ERCC1: variants seen among roughly 807,000 people sequenced by gnomAD.
ERCC1 encodes the protein DNA excision repair protein ERCC-1.
A neutral mutation model predicts 37.6 loss-of-function variants in ERCC1; 36 were observed. The observed-to-expected ratio is 0.96, with a 90% CI of 0.73 to 1.26. The LOEUF (loss-of-function observed/expected upper bound fraction) is 1.26, where lower values mean the gene tolerates loss of function less well. Ranked by LOEUF, ERCC1 falls within the 50% of genes most tolerant of loss-of-function variation. ERCC1 has a pLI of 0.00. For missense variants in ERCC1, 349 were observed against 376.5 expected (o/e 0.93, Z 0.60); for synonymous variants, 156 against 162.1 (o/e 0.96, Z 0.28).
At position 45,416,832 on chromosome 19, in the gene ERCC1, G is replaced by C. The variant is rs765531865; in HGVS notation, c.591C>G (p.Ile197Met). Residue 197 changes from isoleucine to methionine, a missense_variant, in exon 6 of 10, where the codon ATC (isoleucine) becomes ATG (methionine). Coordinates refer to ENST00000300853, the MANE Select transcript of ERCC1 (RefSeq NM_001983.4). The stretch of plus-strand genomic sequence containing the variant: ...AGCCCTCATCTCACCTCCAGGCGAG[G>C]ATCAATGTGCAGTCGGCCAGGATAC... ...KMCILADCTL[I>M]LAWSPEEAGR... 1 of 1,613,342 alleles carries C rather than the reference G, an allele frequency of 6.2e-7. No individual in the cohort carries two copies. Among genetic ancestry groups the C allele is most frequent in the Admixed American group, 1.7e-5 (1 of 59,996 alleles).
chr19:45,434,833 T>C (rs1974933236), intron 1 of ERCC1, among the ~76,000 whole-genome samples: 1 of 152,094 alleles, frequency 6.6e-6, no homozygotes, highest in African/African-American at 2.4e-5. Flanking sequence ...TGGAGTGCAA[T>C]AGTGCGATCT....
intron 1 of ERCC1, among the ~76,000 whole-genome samples, chr19:45,445,732 G>C (rs920376060): frequency 6.6e-6 from 1 of 152,120 alleles, no homozygotes; most frequent in African/African-American, 2.4e-5. Context: ...AGAGAACGTG[G>C]GGAGGGCACT....
Position 45,441,358 on chromosome 19 carries a change from G to A in ERCC1, c.-7-17977C>T, listed in dbSNP as rs551892931. ...CTGCAGTGGGTGGGAGAGATACCCA[G>A]TTGAGGCCCAGGTCTCCACCCAGGT... On this transcript the variant is annotated intron_variant, in intron 1 of 8. Coordinates refer to the ERCC1 transcript ENST00000423698. Among the ~76,000 whole-genome samples, 21 of 152,326 alleles carry A rather than the reference G, an allele frequency of 1.4e-4. 1 individual carries two copies. In the South Asian group the frequency reaches 4.1e-3, roughly 30 times the overall value.
At chr19:45,422,215 C>T (rs1304215612) in intron 2 of ERCC1, among the ~76,000 whole-genome samples, 3 of 152,132 alleles carry the variant, frequency 2.0e-5, no homozygotes, top group Admixed American at 2.0e-4. Flanking sequence ...CCAAAGCTGT[C>T]ACCATCACCC....
chr19:45,430,150 G>C (rs1474338948), intron 1 of ERCC1, among the ~76,000 whole-genome samples: 1 of 152,222 alleles, frequency 6.6e-6, no homozygotes, highest in East Asian at 1.9e-4. Context: ...GCAGGGTCAA[G>C]GCCATCTCAG....
chr19:45,423,663 G>C (rs1462543891), intron 1 of ERCC1, 118 bp downstream of exon 1: 5 of 1,267,794 alleles, frequency 3.9e-6, no homozygotes, highest in Non-Finnish European at 4.0e-6. Flanking sequence ...CCGTTCGTCC[G>C]GCCCCCGAGG....
chr19:45,419,565 G>A (rs993570038), intron 4 of ERCC1: 2 of 326,144 alleles, frequency 6.1e-6, no homozygotes, highest in African/African-American at 4.3e-5. Context: ...ATCTGCTCTG[G>A]CCTTGGAGGG....
At position 45,407,603 on chromosome 19, in the gene ERCC1, C is replaced by G. The variant is rs1372539163; in HGVS notation, c.*2072G>C. ...TGCATTCTTAGGACATTTGGACATT[C>G]TGCAGGCTTGGTGGAACATGTTCTG... On this transcript the variant is annotated 3_prime_UTR_variant, in exon 10 of 10. Transcript: ENST00000300853. 6.9e-6 allele frequency: 2 copies of G among 290,274 alleles called. No individual in the cohort carries two copies. The highest frequency in any genetic ancestry group is 5.9e-5 in the East Asian group (1 of 16,858). 18.0% of individuals were successfully genotyped at this position (290,274 alleles called of 1,614,324 possible).
At chr19:45,443,017 G>A (rs1263973632) in intron 1 of ERCC1, among the ~76,000 whole-genome samples, 1 of 152,054 alleles carries the variant, frequency 6.6e-6, no homozygotes, top group Non-Finnish European at 1.5e-5. Flanking sequence ...CATGCCCCGC[G>A]GGGGGGATGA....
chr19:45,419,186 T>G lies in ERCC1; in HGVS notation c.437A>C (p.His146Pro). The G allele has an allele frequency of 6.3e-7, 1 of 1,593,460 alleles. No individual in the cohort carries two copies. Among genetic ancestry groups the G allele is most frequent in the Non-Finnish European group, 8.6e-7 (1 of 1,168,932 alleles). Reference sequence around the variant, plus strand: ...ATGGATGTAGTCTGGGTGCAGGTTGTGGTAGCGGAGGCTGGTGGGGGCAGG... The same window carrying G: ...ATGGATGTAGTCTGGGTGCAGGTTGGGGTAGCGGAGGCTGGTGGGGGCAGG... Reference protein sequence around the residue: ...TCALFLSLRYHNLHPDYIHGR... With the variant: ...TCALFLSLRYPNLHPDYIHGR... The change falls in exon 5 of 10, where the codon CAC becomes CCC. Residue 146 changes from histidine to proline, a missense_variant. Transcript: ENST00000300853.
At chr19:45,411,514 C>T (rs978768917) in intron 9 of ERCC1, among the ~76,000 whole-genome samples, 4 of 152,002 alleles carry the variant, frequency 2.6e-5, no homozygotes, top group African/African-American at 9.7e-5. Flanking sequence ...CATTTTAAGG[C>T]CGGGCACCAT....
At chr19:45,413,390 C>T in intron 9 of ERCC1, 2 of 616,946 alleles carry the variant, frequency 3.2e-6, no homozygotes, top group Admixed American at 2.8e-5. Context: ...CCTCAGTCTC[C>T]CCAGTAGCTG....
intron 1 of ERCC1, among the ~76,000 whole-genome samples, chr19:45,432,860 A>T (rs980652172): frequency 6.6e-6 from 1 of 152,104 alleles, no homozygotes; most frequent in African/African-American, 2.4e-5. Flanking sequence ...TGAGGTTGGG[A>T]GTTCGAGACC....
intron 5 of ERCC1, among the ~76,000 whole-genome samples, chr19:45,418,438 T>A (rs540456886): frequency 1.9e-3 from 287 of 152,276 alleles, no homozygotes; most frequent in Non-Finnish European, 3.4e-3. Flanking sequence ...GAGAATCGTT[T>A]GAACCCAGGA....
At chr19:45,447,526 C>T (rs1418868955) in intron 1 of ERCC1, among the ~76,000 whole-genome samples, 2 of 152,080 alleles carry the variant, frequency 1.3e-5, no homozygotes, top group East Asian at 3.9e-4. Context: ...CCACCTGCCT[C>T]CGCCTCCCAA....
intron 1 of ERCC1, among the ~76,000 whole-genome samples, chr19:45,438,119 C>T (rs2123594784): frequency 6.6e-6 from 1 of 152,166 alleles, no homozygotes; most frequent in East Asian, 1.9e-4. Context: ...ACCGTGTCAG[C>T]CAGGATGGTG....
In ERCC1 at chr19:45,414,899, G is replaced by A. The variant is rs1973958757; in HGVS notation, c.664C>T (p.Leu222Phe). ...TCCTGCTCTAGCTTCTCCATCAGGAGGTCCGCTGGTTTCTGCTCATAGGCC... is the reference window on the plus strand; with the variant it reads ...TCCTGCTCTAGCTTCTCCATCAGGAAGTCCGCTGGTTTCTGCTCATAGGCC... ...YKAYEQKPADLLMEKLEQDFV... is the reference protein window; with the variant it reads ...YKAYEQKPADFLMEKLEQDFV... Residue 222 changes from leucine to phenylalanine, a missense_variant, in exon 7 of 10, where the codon CTC (leucine) becomes TTC (phenylalanine). Transcript: ENST00000300853. 6.2e-7 allele frequency: 1 copy of A among 1,613,898 alleles called. No individual in the cohort carries two copies. The highest frequency in any genetic ancestry group is 8.5e-7 in the Non-Finnish European group (1 of 1,179,872).
At chr19:45,441,982 CTTTTT>C (rs1208165956) in intron 1 of ERCC1, among the ~76,000 whole-genome samples, 1 of 149,716 alleles carries the variant, frequency 6.7e-6, no homozygotes, top group Non-Finnish European at 1.5e-5. Context: ...GTGCACAGCA[CTTTTT>C]TTTTATTTTA....
intron 1 of ERCC1, among the ~76,000 whole-genome samples, chr19:45,446,083 A>G (rs1966932225): frequency 6.6e-6 from 1 of 151,242 alleles, no homozygotes; most frequent in Non-Finnish European, 1.5e-5. Context: ...TATAGAGATG[A>G]GGTTTCACTC....
Sources: gnomAD v4.1 joint callset for allele counts (sites outside exome capture counted in the v4.1 genomes callset) on GRCh38, gnomAD v4.1.1 for gene constraint, MANE v1.5 for transcripts, NCBI Gene and HGNC (gene_info 2026-07-23, HGNC 2026-07-21) for gene names.